Variants in SOX6 observed in about 807,000 individuals in gnomAD.
SOX6 encodes transcription factor SOX-6.
Under a neutral mutation model 97.8 loss-of-function variants are expected in SOX6, and 11 were observed. The ratio of observed to expected loss-of-function variants is 0.11; its 90% CI spans 0.07 to 0.19. The LOEUF (loss-of-function observed/expected upper bound fraction) is 0.19. SOX6 is among the 10% of genes least tolerant of loss of function. The pLI, the probability that SOX6 is intolerant of heterozygous loss-of-function variation, is 1.00. For synonymous variants in SOX6, 360 were observed against 371.4 expected, an observed-to-expected ratio of 0.97 and a Z score of 0.35; for missense variants, 810 against 1,039.5, an observed-to-expected ratio of 0.78 and a Z score of 3.04.
intron 1 of SOX6, among the ~76,000 whole-genome samples, chr11:16,403,988 G>A (rs1858625411): frequency 6.6e-6 from 1 of 151,836 alleles, no homozygotes; most frequent in Non-Finnish European, 1.5e-5. Flanking sequence ...ACAAAATACT[G>A]AAGTTAAAGG....
At chr11:16,345,705 T>C (rs1856758599) in intron 1 of SOX6, among the ~76,000 whole-genome samples, 1 of 152,060 alleles carries the variant, frequency 6.6e-6, no homozygotes, top group South Asian at 2.1e-4. Flanking sequence ...TATCTCAGAA[T>C]ATCATATTTT....
intron 12 of SOX6, among the ~76,000 whole-genome samples, chr11:16,018,779 G>A (rs746909494): frequency 1.6e-4 from 24 of 151,922 alleles, no homozygotes; most frequent in Non-Finnish European, 2.2e-4. Flanking sequence ...TCCAAGATCC[G>A]TGGTAAATTA....
chr11:16,037,158 A>T (rs574701886), intron 12 of SOX6, among the ~76,000 whole-genome samples: 1 of 152,308 alleles, frequency 6.6e-6, no homozygotes, highest in Non-Finnish European at 1.5e-5. Context: ...ATAACTAAAA[A>T]ATTCCTGACA....
rs562164864 is a variant in SOX6, at chr11:16,118,890, G to A, written c.778-6967C>T. On this transcript the variant is annotated intron_variant, in intron 6 of 15. Coordinates refer to ENST00000683767, the MANE Select transcript of SOX6 (RefSeq NM_001367873.1). Reference sequence around the variant, plus strand: ...ATCTCTAGAAAATAATTCCTTATGTGATTTAATTGAAGAAAGCTTCTTAAA... The same window carrying A: ...ATCTCTAGAAAATAATTCCTTATGTAATTTAATTGAAGAAAGCTTCTTAAA... Among the ~76,000 whole-genome samples the A allele has an allele frequency of 2.0e-5, 3 of 152,282 alleles. No individual in the cohort carries two copies. In the East Asian group the frequency reaches 5.8e-4, roughly 29 times the overall value.
intron 13 of SOX6, among the ~76,000 whole-genome samples, chr11:16,013,394 C>T (rs1396724217): frequency 1.3e-5 from 2 of 151,994 alleles, no homozygotes; most frequent in Non-Finnish European, 2.9e-5. Context: ...CTGTGTTGCA[C>T]TCGGATGGTT....
intron 6 of SOX6, among the ~76,000 whole-genome samples, chr11:16,156,432 T>G (rs926315428): frequency 6.6e-6 from 1 of 152,042 alleles, no homozygotes; most frequent in Non-Finnish European, 1.5e-5. Context: ...CTCATTATTA[T>G]CCACCTGATA....
chr11:16,498,980 C>T (rs908078640), intron 4 of SOX6, among the ~76,000 whole-genome samples: 3 of 152,200 alleles, frequency 2.0e-5, no homozygotes, highest in Non-Finnish European at 4.4e-5. Context: ...CTACAGAACT[C>T]TCCACCCCAA....
At chr11:16,500,490 G>T (rs533300635) in intron 4 of SOX6, among the ~76,000 whole-genome samples, 35 of 152,220 alleles carry the variant, frequency 2.3e-4, no homozygotes, top group Middle Eastern at 3.4e-3. Context: ...GAAATAAAGG[G>T]TATTCAATTA....
At chr11:16,325,655 G>A (rs922509703) in intron 2 of SOX6, among the ~76,000 whole-genome samples, 2 of 152,012 alleles carry the variant, frequency 1.3e-5, no homozygotes, top group African/African-American at 2.4e-5. Flanking sequence ...TACAGTTGCA[G>A]GATCTCAAAT....
At chr11:16,611,433 C>G (rs1848397101) in intron 4 of SOX6, among the ~76,000 whole-genome samples, 1 of 152,164 alleles carries the variant, frequency 6.6e-6, no homozygotes, top group Non-Finnish European at 1.5e-5. Context: ...CAATCGCTCC[C>G]AAACACTGAG....
At chr11:16,599,598 T>G (rs1209998049) in intron 4 of SOX6, among the ~76,000 whole-genome samples, 3 of 152,178 alleles carry the variant, frequency 2.0e-5, no homozygotes, top group Admixed American at 2.0e-4. Context: ...CACATTTTCA[T>G]GCCATTTAAA....
Position 16,113,346 on chromosome 11 carries a change from G to A in SOX6, c.778-1423C>T, listed in dbSNP as rs1460751150. Among the ~76,000 whole-genome samples the A allele has an allele frequency of 9.8e-5, 15 of 152,310 alleles. No homozygotes were observed. In the East Asian group the frequency reaches 2.7e-3, roughly 27 times the overall value. ...TGTGCAATTACTACCTTGCCAGTGG[G>A]GCATGAAAGAAACTAGCTTTGAGCA... On this transcript the variant is annotated intron_variant, in intron 6 of 15. Transcript: ENST00000683767.
At chr11:16,004,029 C>A (rs956212084) in intron 13 of SOX6, among the ~76,000 whole-genome samples, 2 of 151,008 alleles carry the variant, frequency 1.3e-5, no homozygotes. Flanking sequence ...TATATATATA[C>A]ACACACACAT....
At chr11:16,648,853 A>G (rs967143481) in intron 3 of SOX6, among the ~76,000 whole-genome samples, 6 of 152,206 alleles carry the variant, frequency 3.9e-5, no homozygotes, top group African/African-American at 1.4e-4. Flanking sequence ...AAACAAACTT[A>G]AAAATTATAT....
intron 3 of SOX6, among the ~76,000 whole-genome samples, chr11:16,309,844 A>G (rs1855547400): frequency 2.0e-5 from 3 of 152,042 alleles, no homozygotes; most frequent in African/African-American, 7.2e-5. Context: ...AGTCTAATGA[A>G]TTTTCAATAG....
intron 5 of SOX6, among the ~76,000 whole-genome samples, chr11:16,184,472 C>T (rs1851419691): frequency 6.6e-6 from 1 of 151,970 alleles, no homozygotes; most frequent in African/African-American, 2.4e-5. Context: ...AAATCTTTAG[C>T]TTTTTTTGTT....
Position 15,972,633 on chromosome 11 carries a change from A to G in SOX6, c.*176T>C, listed in dbSNP as rs1404034288. ...ACAACAATAACAATAACAACAAAAA[A>G]CTCAAGTTCATGAAAAATCAGGGAA... On this transcript the variant is annotated 3_prime_UTR_variant, in exon 16 of 16. Transcript: ENST00000683767. 4.5e-6 allele frequency: 3 copies of G among 672,026 alleles called. No homozygotes were observed. Among genetic ancestry groups the G allele is most frequent in the Non-Finnish European group, 7.5e-6 (3 of 399,514 alleles). 41.6% of individuals were successfully genotyped at this position (672,026 alleles called of 1,614,324 possible).
At chr11:16,307,927 G>A (rs1031046940) in intron 3 of SOX6, among the ~76,000 whole-genome samples, 7 of 152,076 alleles carry the variant, frequency 4.6e-5, no homozygotes, top group East Asian at 1.9e-4. Context: ...CAATGCTAGC[G>A]GATGGCATAT....
At chr11:16,156,543 G>C (rs1221845454) in intron 6 of SOX6, among the ~76,000 whole-genome samples, 1 of 151,880 alleles carries the variant, frequency 6.6e-6, no homozygotes, top group Non-Finnish European at 1.5e-5. Context: ...AATTCAGCAT[G>C]TCAAAAATAA....
Sources: gnomAD v4.1 joint callset for allele counts (sites outside exome capture counted in the v4.1 genomes callset) on GRCh38, gnomAD v4.1.1 for gene constraint, MANE v1.5 for transcripts, NCBI Gene and HGNC (gene_info 2026-07-23, HGNC 2026-07-21) for gene names.